The following ADAMTS20 variants were observed in gnomAD, a reference collection of about 807,000 sequenced individuals.
ADAMTS20 encodes the protein ADAM metallopeptidase with thrombospondin type 1 motif 20.
In ADAMTS20, 225 loss-of-function variants were observed where a neutral mutation model predicts 260.1. The ratio of observed to expected loss-of-function variants is 0.87; its 90% CI spans 0.78 to 0.97. The LOEUF (loss-of-function observed/expected upper bound fraction) is 0.97, where lower values mean the gene tolerates loss of function less well. Among genes scored for constraint, ADAMTS20 ranks in the 50% least tolerant of loss-of-function variants. The pLI is 0.00. For missense variants in ADAMTS20, 2,400 were observed against 2,337.7 expected, an observed-to-expected ratio of 1.03 and a Z score of -0.55; for synonymous variants, 802 against 769.5, an observed-to-expected ratio of 1.04 and a Z score of -0.70.
chr12:43,357,981 T>A (rs1404007548), intron 37 of ADAMTS20, among the ~76,000 whole-genome samples: 1 of 152,236 alleles, frequency 6.6e-6, no homozygotes, highest in Non-Finnish European at 1.5e-5. Context: ...ATCAACCTGA[T>A]ACAGGTTTTG....
chr12:43,416,964 C>T (rs899171769), intron 28 of ADAMTS20, among the ~76,000 whole-genome samples: 1 of 152,168 alleles, frequency 6.6e-6, no homozygotes, highest in African/African-American at 2.4e-5. Context: ...CATGTTTCTC[C>T]AATTAGATGC....
At chr12:43,378,951 G>C (rs1209800232) in intron 31 of ADAMTS20, among the ~76,000 whole-genome samples, 1 of 152,180 alleles carries the variant, frequency 6.6e-6, no homozygotes, top group African/African-American at 2.4e-5. Flanking sequence ...GGTAAGAAGA[G>C]CAAGTTTTGT....
chr12:43,489,611 C>A (rs1343790893), intron 7 of ADAMTS20, among the ~76,000 whole-genome samples: 1 of 151,690 alleles, frequency 6.6e-6, no homozygotes, highest in Non-Finnish European at 1.5e-5. Flanking sequence ...AAGATATAAT[C>A]AAAAGGAATG....
At chr12:43,353,528 T>C (rs1939677176), downstream of ADAMTS20, among the ~76,000 whole-genome samples, 1 of 152,006 alleles carries the variant, frequency 6.6e-6, no homozygotes, top group Admixed American at 6.6e-5. Flanking sequence ...TTATATCATA[T>C]CTTTATTATA....
chr12:43,466,623 G>T, intron 9 of ADAMTS20, 29 bp downstream of exon 9: 1 of 1,569,144 alleles, frequency 6.4e-7, no homozygotes, highest in African/African-American at 1.4e-5. Flanking sequence ...TCGAATACAT[G>T]TTCAATTATT....
rs36106874 is a variant in ADAMTS20, at chr12:43,538,953, C to CTTTT, written c.454-6762_454-6759dup. 4.2e-3 allele frequency among the ~76,000 whole-genome samples: 489 copies of CTTTT among 117,518 alleles called. 12 individuals are homozygous for CTTTT. The highest frequency in any genetic ancestry group is 0.014 in the African/African-American group (441 of 30,934). The allele number at this position is 117,518 out of a possible 152,430, so 77.1% of individuals were successfully genotyped here. ...ATTCTTTAATTTTTTTATGAACATT[C>CTTTT]TTTTTTTTTTTTTTTTTGAGATGGA... On this transcript the variant is annotated intron_variant, in intron 2 of 38. Coordinates refer to ENST00000389420, the MANE Select transcript of ADAMTS20 (RefSeq NM_025003.5).
intron 3 of ADAMTS20, among the ~76,000 whole-genome samples, chr12:43,503,791 A>T (rs1942802466): frequency 2.0e-5 from 3 of 152,074 alleles, no homozygotes; most frequent in Admixed American, 1.3e-4. Context: ...TCTAGCTCCC[A>T]CATACAAGTG....
At chr12:43,352,868 G>A (rs1939666165), downstream of ADAMTS20, among the ~76,000 whole-genome samples, 1 of 152,098 alleles carries the variant, frequency 6.6e-6, no homozygotes, top group Non-Finnish European at 1.5e-5. Context: ...CTTAATGTTT[G>A]TAACTGGCTT....
At chr12:43,518,805 C>T (rs1245996180) in intron 3 of ADAMTS20, among the ~76,000 whole-genome samples, 1 of 143,586 alleles carries the variant, frequency 7.0e-6, no homozygotes, top group Non-Finnish European at 1.5e-5. Context: ...CTCCATCCTT[C>T]CACTGGCTCA....
intron 7 of ADAMTS20, among the ~76,000 whole-genome samples, chr12:43,472,765 A>C (rs1309544880): frequency 1.2e-3 from 175 of 151,138 alleles, no homozygotes; most frequent in Non-Finnish European, 2.1e-3. Context: ...GAAATAAAAT[A>C]CTTTACAAAC....
chr12:43,486,521 A>G (rs1942525404), intron 7 of ADAMTS20, among the ~76,000 whole-genome samples: 1 of 152,192 alleles, frequency 6.6e-6, no homozygotes, highest in African/African-American at 2.4e-5. Flanking sequence ...GGCCTAGGCA[A>G]AGAATTTATG....
chr12:43,459,693 A>T (rs12315801), intron 11 of ADAMTS20, among the ~76,000 whole-genome samples: 2,280 of 152,344 alleles, frequency 0.015, 53 homozygotes, highest in African/African-American at 0.051. Context: ...AATGAAACCT[A>T]CAGCCAAGCT....
At chr12:43,460,984 A>ATTTTT (rs1298508563) in intron 11 of ADAMTS20, among the ~76,000 whole-genome samples, 72 of 39,644 alleles carry the variant, frequency 1.8e-3, no homozygotes, top group Non-Finnish European at 2.8e-3. Flanking sequence ...ATATATATAT[A>ATTTTT]TATATTTTTT....
chr12:43,445,404 C>T (rs61925147), intron 15 of ADAMTS20, among the ~76,000 whole-genome samples: 6,157 of 151,704 alleles, frequency 0.041, 161 homozygotes, highest in Non-Finnish European at 0.065. Flanking sequence ...ATCTAGTAAC[C>T]GAGATTTGTA....
At chr12:43,427,514 C>T in intron 26 of ADAMTS20, 45 bp from the exon 27 acceptor site, 1 of 1,515,534 alleles carries the variant, frequency 6.6e-7, no homozygotes, top group Non-Finnish European at 8.9e-7. Context: ...GCGGATTCCA[C>T]ATAATGAATT....
chr12:43,408,836 G>A (rs1416914375), intron 28 of ADAMTS20, among the ~76,000 whole-genome samples: 1 of 152,128 alleles, frequency 6.6e-6, no homozygotes, highest in Non-Finnish European at 1.5e-5. Context: ...AGTAGTAGAT[G>A]GAATACTAAT....
chr12:43,465,505 A>AT (rs1449235661), intron 9 of ADAMTS20, among the ~76,000 whole-genome samples: 1 of 152,106 alleles, frequency 6.6e-6, no homozygotes, highest in African/African-American at 2.4e-5. Context: ...CTCTGTGGAA[A>AT]TATACAGCTA....
intron 7 of ADAMTS20, among the ~76,000 whole-genome samples, chr12:43,488,996 G>A (rs887669436): frequency 5.9e-5 from 9 of 151,878 alleles, no homozygotes; most frequent in Non-Finnish European, 8.8e-5. Context: ...GTTATTGTAC[G>A]TGCAATGTAA....
At chr12:43,542,342 A>T (rs2137523315) in intron 2 of ADAMTS20, among the ~76,000 whole-genome samples, 1 of 152,352 alleles carries the variant, frequency 6.6e-6, no homozygotes, top group East Asian at 1.9e-4. Context: ...ATTCTGAAGC[A>T]ATATTACTTT....
Sources: allele counts gnomAD v4.1 joint callset (sites outside exome capture counted in the v4.1 genomes callset), GRCh38; gene constraint gnomAD v4.1.1; transcripts MANE v1.5; gene names NCBI Gene and HGNC (gene_info 2026-07-23, HGNC 2026-07-21).